Variants in DNER observed in about 807,000 individuals in gnomAD.
DNER encodes delta/notch like EGF repeat containing.
A neutral mutation model predicts 78.2 loss-of-function variants in DNER; 33 were observed. The ratio of observed to expected loss-of-function variants is 0.42; its 90% confidence interval spans 0.32 to 0.56. The LOEUF (loss-of-function observed/expected upper bound fraction) is 0.56, where lower values mean the gene tolerates loss of function less well. DNER is among the 20% of genes least tolerant of loss of function. DNER has a pLI of 0.11. For missense variants in DNER, 918 were observed against 975.3 expected (o/e 0.94, Z 0.78); for synonymous variants, 417 against 384.8 (o/e 1.08, Z -0.98).
At chr2:229,651,101 G>A (rs1698808918) in intron 1 of DNER, among the ~76,000 whole-genome samples, 1 of 152,150 alleles carries the variant, frequency 6.6e-6, no homozygotes. Context: ...AGTGATGAGA[G>A]GACAAAGGCT....
intron 6 of DNER, among the ~76,000 whole-genome samples, chr2:229,501,157 A>T (rs1026656267): frequency 7.2e-5 from 11 of 151,982 alleles, no homozygotes; most frequent in African/African-American, 2.7e-4. Flanking sequence ...GATTGGAGAG[A>T]TTTAAAAGAG....
Position 229,698,347 on chromosome 2 carries a change from T to C in DNER, c.276+15801A>G, listed in dbSNP as rs145556514. On this transcript the variant is annotated intron_variant, in intron 1 of 12. Coordinates refer to ENST00000341772, the MANE Select transcript of DNER (RefSeq NM_139072.4). Reference sequence around the variant, plus strand: ...CACAACATTTGCAAGTCAATCATTTTTCCAAATATACAGGAGAAAGAAGAA... The same window carrying C: ...CACAACATTTGCAAGTCAATCATTTCTCCAAATATACAGGAGAAAGAAGAA... Among the ~76,000 whole-genome samples, 429 of 152,336 alleles carry C rather than the reference T, an allele frequency of 2.8e-3. 7 individuals carry two copies. The highest frequency in any genetic ancestry group is 7.7e-3 in the African/African-American group (322 of 41,574).
At chr2:229,607,427 G>C (rs1196688984) in intron 1 of DNER, among the ~76,000 whole-genome samples, 1 of 152,078 alleles carries the variant, frequency 6.6e-6, no homozygotes, top group African/African-American at 2.4e-5. Flanking sequence ...ACTTGTTCAC[G>C]GTCCTTCAGC....
intron 6 of DNER, among the ~76,000 whole-genome samples, chr2:229,490,309 T>C (rs1490524911): frequency 1.3e-5 from 2 of 152,124 alleles, no homozygotes; most frequent in African/African-American, 2.4e-5. Flanking sequence ...TTATTCACAA[T>C]AGCCAAAAGA....
chr2:229,456,980 C>G (rs1694588765), intron 7 of DNER, among the ~76,000 whole-genome samples: 1 of 151,986 alleles, frequency 6.6e-6, no homozygotes, highest in Non-Finnish European at 1.5e-5. Flanking sequence ...GACTTGTCAC[C>G]AAGATCTACA....
At chr2:229,471,063 G>A (rs1574857864) in intron 7 of DNER, among the ~76,000 whole-genome samples, 2 of 151,828 alleles carry the variant, frequency 1.3e-5, no homozygotes, top group African/African-American at 4.8e-5. Flanking sequence ...TATGTGGCAT[G>A]TTTCTTATGT....
intron 10 of DNER, among the ~76,000 whole-genome samples, chr2:229,397,601 A>G (rs1458636810): frequency 2.0e-5 from 3 of 152,162 alleles, no homozygotes; most frequent in Non-Finnish European, 4.4e-5. Flanking sequence ...CTCACAAAAC[A>G]TATACCAATA....
At chr2:229,489,647 T>A (rs1219198463) in intron 6 of DNER, among the ~76,000 whole-genome samples, 1 of 151,460 alleles carries the variant, frequency 6.6e-6, no homozygotes, top group Non-Finnish European at 1.5e-5. Context: ...CTGGAAGCCA[T>A]CCACCTTGAG....
chr2:229,465,262 A>G (rs1694780371), intron 7 of DNER, among the ~76,000 whole-genome samples: 1 of 152,200 alleles, frequency 6.6e-6, no homozygotes, highest in African/African-American at 2.4e-5. Context: ...AAAAAGGAAC[A>G]AGATCATGTC....
chr2:229,677,072 A>G (rs1366533769), intron 1 of DNER, among the ~76,000 whole-genome samples: 2 of 151,900 alleles, frequency 1.3e-5, no homozygotes, highest in East Asian at 3.9e-4. Context: ...CTTCTTTTTC[A>G]TCTTCCTCTT....
At chr2:229,384,293 C>A (rs2106333797) in intron 11 of DNER, among the ~76,000 whole-genome samples, 1 of 152,260 alleles carries the variant, frequency 6.6e-6, no homozygotes, top group East Asian at 1.9e-4. Context: ...CACTAAATCC[C>A]CACAGGAGAA....
intron 6 of DNER, among the ~76,000 whole-genome samples, chr2:229,477,864 G>T (rs1253826076): frequency 3.2e-4 from 49 of 152,110 alleles, no homozygotes; most frequent in Non-Finnish European, 2.9e-5. Context: ...AATTATCTGT[G>T]AAGCAAGGCT....
intron 1 of DNER, among the ~76,000 whole-genome samples, chr2:229,676,526 A>G (rs1699303514): frequency 2.6e-5 from 4 of 152,198 alleles, no homozygotes; most frequent in Admixed American, 1.3e-4. Context: ...ATTTAGGTTC[A>G]CCTGCTGCTG....
At chr2:229,686,819 T>C (rs1023563809) in intron 1 of DNER, among the ~76,000 whole-genome samples, 1 of 152,188 alleles carries the variant, frequency 6.6e-6, no homozygotes, top group Non-Finnish European at 1.5e-5. Flanking sequence ...GAAATTCCCA[T>C]CAAACCAACA....
chr2:229,366,311 C>T (rs1268658240), intron 12 of DNER, among the ~76,000 whole-genome samples: 2 of 152,214 alleles, frequency 1.3e-5, no homozygotes, highest in Non-Finnish European at 2.9e-5. Flanking sequence ...GTCTAAACTA[C>T]CGAGTCAGGT....
chr2:229,389,460 G>T (rs967995871), intron 10 of DNER, among the ~76,000 whole-genome samples: 4 of 151,864 alleles, frequency 2.6e-5, no homozygotes, highest in Non-Finnish European at 5.9e-5. Flanking sequence ...ACGAGAAAAA[G>T]AAATTTTCAA....
chr2:229,530,216 T>G (rs1696277794), intron 5 of DNER, among the ~76,000 whole-genome samples: 1 of 152,236 alleles, frequency 6.6e-6, no homozygotes, highest in East Asian at 1.9e-4. Flanking sequence ...CTACAGGTAC[T>G]TATTCTGTTC....
chr2:229,551,000 T>C lies in DNER; in HGVS notation c.848-3908A>G, dbSNP rs537312742. Reference sequence around the variant, plus strand: ...GTTGAAGTCCTTGCACACTAAGGTGTTGCACACTCCTAAAGCCTGTTTTCA... The same window carrying C: ...GTTGAAGTCCTTGCACACTAAGGTGCTGCACACTCCTAAAGCCTGTTTTCA... On this transcript the variant is annotated intron_variant, in intron 4 of 12. Coordinates refer to ENST00000341772, the MANE Select transcript of DNER (RefSeq NM_139072.4). 9.9e-4 allele frequency among the ~76,000 whole-genome samples: 151 copies of C among 152,286 alleles called. 1 individual carries two copies. The highest frequency in any genetic ancestry group is 3.4e-3 in the African/African-American group (143 of 41,564).
chr2:229,463,161 T>C (rs1025649904), intron 7 of DNER, among the ~76,000 whole-genome samples: 9 of 152,100 alleles, frequency 5.9e-5, no homozygotes, highest in Non-Finnish European at 8.8e-5. Flanking sequence ...CCAGGTTCTT[T>C]CCTCTCACCA....
Sources: gnomAD v4.1 joint callset for allele counts (sites outside exome capture counted in the v4.1 genomes callset) on GRCh38, gnomAD v4.1.1 for gene constraint, MANE v1.5 for transcripts, NCBI Gene and HGNC (gene_info 2026-07-23, HGNC 2026-07-21) for gene names.